Variants in CYB5R4 observed in about 807,000 individuals in gnomAD.
CYB5R4 encodes cytochrome b5 reductase 4.
CYB5R4 carries 55 observed loss-of-function variants against 70.2 expected under a neutral mutation model. The ratio of observed to expected loss-of-function variants is 0.78; its 90% confidence interval spans 0.63 to 0.98. CYB5R4 has a LOEUF of 0.98. Ranked by LOEUF, CYB5R4 falls within the 50% of genes least tolerant of loss-of-function variation. The probability of loss-of-function intolerance (pLI) is 0.00; values close to 1 mark genes in which losing one functional copy is unlikely to be tolerated. For missense variants in CYB5R4, 562 were observed against 612.6 expected, an observed-to-expected ratio of 0.92 and a Z score of 0.87; for synonymous variants, 197 against 199.5, an observed-to-expected ratio of 0.99 and a Z score of 0.11.
At chr6:83,870,907 A>G (rs1457120765) in intron 2 of CYB5R4, among the ~76,000 whole-genome samples, 1 of 151,308 alleles carries the variant, frequency 6.6e-6, no homozygotes, top group African/African-American at 2.4e-5. Context: ...ACAAATCAAC[A>G]ATGTTCTGCC....
At chr6:83,924,623 C>A in intron 10 of CYB5R4, 31 bp downstream of exon 10, 1 of 1,602,866 alleles carries the variant, frequency 6.2e-7, no homozygotes, top group South Asian at 1.1e-5. Flanking sequence ...ACGTTAATTT[C>A]ACATTCATGA....
intron 2 of CYB5R4, among the ~76,000 whole-genome samples, chr6:83,875,982 A>C (rs750441114): frequency 6.6e-6 from 1 of 152,086 alleles, no homozygotes; most frequent in Non-Finnish European, 1.5e-5. Context: ...CCTCTCTCAA[A>C]ATGGAGTCGC....
chr6:83,900,892 G>A (rs2099462823), intron 3 of CYB5R4, among the ~76,000 whole-genome samples: 1 of 152,152 alleles, frequency 6.6e-6, no homozygotes, highest in Admixed American at 6.5e-5. Flanking sequence ...CCTGAATACA[G>A]CATACTGATG....
At chr6:83,882,674 CTAAG>C (rs1373026303) in intron 2 of CYB5R4, among the ~76,000 whole-genome samples, 5 of 152,010 alleles carry the variant, frequency 3.3e-5, no homozygotes, top group African/African-American at 9.7e-5. Flanking sequence ...TATAACTGTG[CTAAG>C]TAAGTAAGTA....
intron 11 of CYB5R4, among the ~76,000 whole-genome samples, chr6:83,935,125 A>C (rs1419010362): frequency 3.3e-5 from 5 of 152,190 alleles, no homozygotes; most frequent in African/African-American, 1.2e-4. Flanking sequence ...TGAATCTATA[A>C]AATTTAAAAT....
intron 3 of CYB5R4, among the ~76,000 whole-genome samples, chr6:83,906,719 A>G (rs1428309829): frequency 2.0e-5 from 3 of 152,200 alleles, no homozygotes; most frequent in African/African-American, 4.8e-5. Flanking sequence ...TTATCCATTC[A>G]CTATCTTGGT....
chr6:83,882,321 A>G (rs1233662081), intron 2 of CYB5R4, among the ~76,000 whole-genome samples: 1 of 152,156 alleles, frequency 6.6e-6, no homozygotes, highest in Non-Finnish European at 1.5e-5. Context: ...AGGGGAGAAG[A>G]TCCAGAAAAA....
At chr6:83,904,150 G>C (rs973145734) in intron 3 of CYB5R4, among the ~76,000 whole-genome samples, 1 of 151,962 alleles carries the variant, frequency 6.6e-6, no homozygotes, top group Non-Finnish European at 1.5e-5. Context: ...TTTGAAATCT[G>C]TCAACTTTTT....
At chr6:83,914,370 C>A (rs2099465162) in intron 4 of CYB5R4, 46 bp from the exon 5 acceptor site, 1 of 1,494,538 alleles carries the variant, frequency 6.7e-7, no homozygotes, top group Admixed American at 2.1e-5. Context: ...TTCTCATTGA[C>A]ATTAAAGTAT....
intron 14 of CYB5R4, among the ~76,000 whole-genome samples, chr6:83,941,553 C>T (rs759192931): frequency 4.6e-5 from 7 of 152,038 alleles, no homozygotes; most frequent in Admixed American, 1.3e-4. Flanking sequence ...TCCAGGGGCT[C>T]GAGGTTCTTC....
intron 2 of CYB5R4, among the ~76,000 whole-genome samples, chr6:83,865,841 A>G (rs1250376588): frequency 6.6e-6 from 1 of 152,182 alleles, no homozygotes; most frequent in African/African-American, 2.4e-5. Context: ...TTATATTGAG[A>G]CATAACAGGT....
chr6:83,955,164 G>T (rs1198925823), intron 14 of CYB5R4, 134 bp from the exon 15 acceptor site: 5 of 666,328 alleles, frequency 7.5e-6, no homozygotes, highest in Non-Finnish European at 1.1e-5. Context: ...TTTTTTCAGT[G>T]TTTTTCTAGC....
chr6:83,886,581 A>C (rs750159140), intron 2 of CYB5R4, among the ~76,000 whole-genome samples: 8 of 152,214 alleles, frequency 5.3e-5, no homozygotes, highest in Non-Finnish European at 1.0e-4. Context: ...GAATATGCAA[A>C]TCTATAGAGA....
At chr6:83,924,386 T>C (rs1218252088) in intron 9 of CYB5R4, 84 bp from the exon 10 acceptor site, 57 of 1,399,362 alleles carry the variant, frequency 4.1e-5, no homozygotes, top group Non-Finnish European at 5.6e-5. Flanking sequence ...TCAGGACACT[T>C]GTACTATTTG....
Position 83,966,859 on chromosome 6 carries a change from T to A in CYB5R4, c.*6981T>A, listed in dbSNP as rs1554424868. 6.6e-6 allele frequency: 1 copy of A among 151,868 alleles called. No individual in the cohort carries two copies. The highest frequency in any genetic ancestry group is 1.5e-5 in the Non-Finnish European group (1 of 67,970). 9.4% of individuals were successfully genotyped at this position (151,868 alleles called of 1,614,324 possible). ...ATCATCCTGAAATTAACAAGAAAAA[T>A]TGAAATTAATGTTGAAAGAGCACCA... On this transcript the variant is annotated 3_prime_UTR_variant, in exon 16 of 16. Coordinates refer to ENST00000369681, the MANE Select transcript of CYB5R4 (RefSeq NM_016230.4).
chr6:83,900,286 T>A (rs887062172), intron 3 of CYB5R4, among the ~76,000 whole-genome samples: 2 of 152,114 alleles, frequency 1.3e-5, no homozygotes, highest in African/African-American at 2.4e-5. Context: ...GTTGAGTGAG[T>A]TTCTTAATCC....
intron 14 of CYB5R4, among the ~76,000 whole-genome samples, chr6:83,949,274 T>G (rs1010172873): frequency 1.8e-4 from 27 of 152,110 alleles, no homozygotes; most frequent in African/African-American, 6.5e-4. Flanking sequence ...GCTTATTGAT[T>G]GCATTTGCTA....
intron 14 of CYB5R4, among the ~76,000 whole-genome samples, chr6:83,949,212 T>C (rs187268442): frequency 1.3e-5 from 2 of 152,028 alleles, no homozygotes; most frequent in African/African-American, 4.8e-5. Context: ...AGCAGGAATT[T>C]TACCATATTC....
chr6:83,918,876 T>G (rs755416578), intron 6 of CYB5R4, among the ~76,000 whole-genome samples: 17 of 152,094 alleles, frequency 1.1e-4, no homozygotes, highest in Non-Finnish European at 1.9e-4. Context: ...CTCTGTAAAT[T>G]AGACTATATA....
Sources: gnomAD v4.1 joint callset for allele counts (sites outside exome capture counted in the v4.1 genomes callset) on GRCh38, gnomAD v4.1.1 for gene constraint, MANE v1.5 for transcripts, NCBI Gene and HGNC (gene_info 2026-07-23, HGNC 2026-07-21) for gene names.